Variants in THRAP3 observed in about 807,000 individuals in gnomAD.
THRAP3 encodes thyroid hormone receptor-associated protein 3.
In THRAP3, 16 loss-of-function variants were observed where a neutral mutation model predicts 101.0. That is an observed-to-expected ratio of 0.16 (90% CI 0.11 to 0.24). THRAP3 has a LOEUF of 0.24. Among genes scored for constraint, THRAP3 ranks in the 10% least tolerant of loss-of-function variants. THRAP3 has a pLI of 1.00. For missense variants in THRAP3, 989 were observed against 1,202.7 expected (o/e 0.82, Z 2.63); for synonymous variants, 407 against 422.6 (o/e 0.96, Z 0.45).
At position 36,286,282 on chromosome 1, in the gene THRAP3, G is replaced by T; in HGVS notation, c.138-86G>T. ...AAAACTGAAAGTGAATGACACATAA[G>T]GGCAGGGATTTCAGAACAGATTTTT... On this transcript the variant is annotated intron_variant, in intron 3 of 11. Transcript: ENST00000354618. The surrounding 1 kb of genome is among the most constrained non-coding windows in gnomAD (Gnocchi z 5.5). 7.3e-7 allele frequency: 1 copy of T among 1,362,598 alleles called. No individual in the cohort carries two copies. Among genetic ancestry groups the T allele is most frequent in the East Asian group, 2.3e-5 (1 of 43,238 alleles). The allele number at this position is 1,362,598 out of a possible 1,614,324, so 84.4% of individuals were successfully genotyped here. A position where few individuals can be genotyped will look rare whatever the true frequency, so the allele number is the denominator to read the frequency against.
At chr1:36,243,151 C>CT (rs58340320) in intron 1 of THRAP3, among the ~76,000 whole-genome samples, 13,555 of 61,444 alleles carry the variant, frequency 0.22, 1,356 homozygotes, top group Non-Finnish European at 0.27. Context: ...GAGGAACTTT[C>CT]TTTTTTTTTT....
At chr1:36,230,260 A>G (rs1645013232) in intron 1 of THRAP3, among the ~76,000 whole-genome samples, 1 of 151,726 alleles carries the variant, frequency 6.6e-6, no homozygotes, top group African/African-American at 2.4e-5. Context: ...CTGGGGTTAC[A>G]GGCATGGGCC....
At chr1:36,217,242 T>C in the THRAP3 span, among the ~76,000 whole-genome samples, 2 of 152,196 alleles carry the variant, frequency 1.3e-5, no homozygotes, top group Non-Finnish European at 1.5e-5. Flanking sequence ...GGATTTGAGA[T>C]ACCAGTGGGA....
chr1:36,273,499 C>G (rs1164829951), intron 2 of THRAP3, among the ~76,000 whole-genome samples: 1 of 152,192 alleles, frequency 6.6e-6, no homozygotes, highest in African/African-American at 2.4e-5. Context: ...AATGCTTTCT[C>G]CTTAAGATGA....
intron 1 of THRAP3, among the ~76,000 whole-genome samples, chr1:36,249,706 G>GTGTGTGTT (rs1326426204): frequency 6.6e-6 from 1 of 151,682 alleles, no homozygotes; most frequent in Non-Finnish European, 1.5e-5. Context: ...GTGTGTGTGT[G>GTGTGTGTT]TGTGTGTGTG....
chr1:36,260,450 GTTA>G (rs2124491207), intron 2 of THRAP3, among the ~76,000 whole-genome samples: 1 of 152,112 alleles, frequency 6.6e-6, no homozygotes, highest in African/African-American at 2.4e-5. Flanking sequence ...TACAGTGTTT[GTTA>G]TTATTTATTA....
At chr1:36,259,834 A>G (rs1645422044) in intron 2 of THRAP3, among the ~76,000 whole-genome samples, 1 of 152,070 alleles carries the variant, frequency 6.6e-6, no homozygotes, top group African/African-American at 2.4e-5. Context: ...CTGGGTTCTT[A>G]TGAAACAGTA....
chr1:36,252,189 T>A (rs1043478482), intron 1 of THRAP3, among the ~76,000 whole-genome samples: 1 of 152,162 alleles, frequency 6.6e-6, no homozygotes, highest in Non-Finnish European at 1.5e-5. Context: ...GCAGTGGCGC[T>A]ATCTTGGCTC....
chr1:36,213,947 GAAAGAAA>G, the THRAP3 span, among the ~76,000 whole-genome samples: 1 of 118,988 alleles, frequency 8.4e-6, no homozygotes, highest in African/African-American at 3.8e-5. Context: ...AAGAAAGAAA[GAAAGAAA>G]GAAAGAAGGA....
At chr1:36,265,699 G>A (rs1197089700) in intron 2 of THRAP3, among the ~76,000 whole-genome samples, 2 of 152,088 alleles carry the variant, frequency 1.3e-5, no homozygotes, top group Non-Finnish European at 2.9e-5. Flanking sequence ...GGATACATGT[G>A]CAGAAAGTGC....
chr1:36,210,222 T>C, the THRAP3 span, among the ~76,000 whole-genome samples: 15 of 150,182 alleles, frequency 1.0e-4, no homozygotes, highest in African/African-American at 3.4e-4. Context: ...AAAAATTAGC[T>C]GGGCATGGTG....
intron 1 of THRAP3, among the ~76,000 whole-genome samples, chr1:36,234,502 G>T (rs576379076): frequency 7.2e-5 from 11 of 152,108 alleles, no homozygotes; most frequent in African/African-American, 2.7e-4. Context: ...TTACTGTTAT[G>T]GTATGTCGTA....
chr1:36,292,458 G>A, intron 6 of THRAP3, 140 bp from the exon 7 acceptor site: 2 of 557,642 alleles, frequency 3.6e-6, no homozygotes, highest in Non-Finnish European at 6.4e-6. Context: ...TTTTAGTAGA[G>A]ACGGGGTTTC....
chr1:36,224,059 G>A (rs1349244147), upstream of THRAP3, among the ~76,000 whole-genome samples: 1 of 152,220 alleles, frequency 6.6e-6, no homozygotes, highest in Non-Finnish European at 1.5e-5. Flanking sequence ...AGGGAGACTC[G>A]ACTTCCAACT....
intron 1 of THRAP3, among the ~76,000 whole-genome samples, chr1:36,257,981 C>A (rs1011443913): frequency 8.5e-5 from 13 of 152,200 alleles, no homozygotes; most frequent in African/African-American, 3.1e-4. Context: ...GCTGGGATTA[C>A]AGCCATGTGC....
chr1:36,292,130 A>G (rs1225432878), intron 6 of THRAP3, among the ~76,000 whole-genome samples: 2 of 150,648 alleles, frequency 1.3e-5, no homozygotes, highest in African/African-American at 4.9e-5. Context: ...TGAACCAGCC[A>G]TTTTTCCTTC....
At chr1:36,302,062 A>G (rs1236291387) in intron 11 of THRAP3, among the ~76,000 whole-genome samples, 1 of 152,190 alleles carries the variant, frequency 6.6e-6, no homozygotes, top group Non-Finnish European at 1.5e-5. Context: ...CCACTCCTTC[A>G]TGCAAGAATG....
At chr1:36,297,868 C>T (rs980914228) in intron 9 of THRAP3, among the ~76,000 whole-genome samples, 4 of 150,126 alleles carry the variant, frequency 2.7e-5, no homozygotes, top group South Asian at 2.2e-4. Context: ...AAGTATTGGC[C>T]GGGTGTAGTG....
At chr1:36,219,507 C>G (rs1365613933), upstream of THRAP3, among the ~76,000 whole-genome samples, 1 of 152,128 alleles carries the variant, frequency 6.6e-6, no homozygotes, top group Non-Finnish European at 1.5e-5. Flanking sequence ...TCACTGTAAC[C>G]TCTGCCTCCT....
Sources: allele counts gnomAD v4.1 joint callset (sites outside exome capture counted in the v4.1 genomes callset), GRCh38; gene constraint gnomAD v4.1.1; non-coding constraint Gnocchi (gnomAD v3.1); transcripts MANE v1.5; gene names NCBI Gene and HGNC (gene_info 2026-07-23, HGNC 2026-07-21).